Variants in ADCY8 observed in about 807,000 individuals in gnomAD.
The protein encoded by ADCY8 is adenylate cyclase 8.
ADCY8 carries 51 observed loss-of-function variants against 119.7 expected under a neutral mutation model. The ratio of observed to expected loss-of-function variants is 0.43; its 90% CI spans 0.34 to 0.54. ADCY8 has a LOEUF of 0.54. ADCY8 is among the 20% of genes least tolerant of loss of function. ADCY8 has a pLI of 0.03. For synonymous variants in ADCY8, 665 were observed against 651.0 expected (o/e 1.02, Z -0.33); for missense variants, 1,383 against 1,598.8 (o/e 0.87, Z 2.30).
chr8:130,846,526 C>CCGTCCCTT (rs1817301234), intron 11 of ADCY8, among the ~76,000 whole-genome samples: 1 of 132,784 alleles, frequency 7.5e-6, no homozygotes, highest in African/African-American at 3.0e-5. Context: ...CTCCCTCCCT[C>CCGTCCCTT]CCTCCCTTCC....
chr8:130,937,079 G>A lies in ADCY8; in HGVS notation c.1475C>T (p.Thr492Ile). 2 of 1,611,516 alleles carry A rather than the reference G, an allele frequency of 1.2e-6. No homozygotes were observed. The highest frequency in any genetic ancestry group is 1.7e-6 in the Non-Finnish European group (2 of 1,178,610). The change falls in exon 5 of 18, where the codon ACC becomes ATC. Residue 492 changes from threonine to isoleucine, a missense_variant. Thr to Ile is a moderately conservative substitution (Grantham distance 89). Around this residue, in one of 2 missense-constraint regions of ADCY8, gnomAD observed 928 missense variants for 1,163.5 expected, o/e 0.80. Transcript: ENST00000286355. The part of the protein sequence containing the change: ...CVEMGLSMIK[T>I]IRYVRSRTKH... Reference sequence around the variant, plus strand: ...GATGGGGATCACAAATTACCTGATGGTTTTGATCATGCTGAGACCCATTTC... The same window carrying A: ...GATGGGGATCACAAATTACCTGATGATTTTGATCATGCTGAGACCCATTTC...
intron 4 of ADCY8, among the ~76,000 whole-genome samples, chr8:130,940,121 T>C (rs1192215290): frequency 6.6e-6 from 1 of 152,226 alleles, no homozygotes; most frequent in African/African-American, 2.4e-5. Context: ...CCTATCTCAG[T>C]CTTCAGGACC....
chr8:130,814,211 C>T lies in ADCY8; in HGVS notation c.2771G>A (p.Arg924His), dbSNP rs371693062. ...YHGQQLEYTA[R>H]LDFLWRVQAK... is the part of the protein sequence containing the mutation. Reference sequence around the variant, plus strand: ...CTGTACTCGCCAAAGGAAGTCCAGGCGGGCTGTGTACTCCAGCTGCAGTAC... The same window carrying T: ...CTGTACTCGCCAAAGGAAGTCCAGGTGGGCTGTGTACTCCAGCTGCAGTAC... The change falls in exon 14 of 18, where the codon CGC becomes CAC. Residue 924 changes from arginine to histidine, a missense_variant. Arg to His is a conservative substitution (Grantham distance 29). Transcript: ENST00000286355. 23 of 1,613,838 alleles carry T rather than the reference C, an allele frequency of 1.4e-5. No individual in the cohort carries two copies. The highest frequency in any genetic ancestry group is 1.7e-4 in the Middle Eastern group (1 of 6,056).
At chr8:130,949,440 T>C (rs774772376) in intron 3 of ADCY8, 4 of 152,190 alleles carry the variant, frequency 2.6e-5, no homozygotes, top group Non-Finnish European at 5.9e-5. Flanking sequence ...AGTATGTAAT[T>C]AAATATTTAT....
intron 2 of ADCY8, among the ~76,000 whole-genome samples, chr8:130,953,499 C>T (rs575051948): frequency 2.6e-5 from 4 of 152,056 alleles, no homozygotes; most frequent in Admixed American, 6.6e-5. Flanking sequence ...GTTAATCAAG[C>T]GGCAGTTGCA....
chr8:130,964,094 C>T (rs1407406384), intron 2 of ADCY8, among the ~76,000 whole-genome samples: 6 of 152,304 alleles, frequency 3.9e-5, no homozygotes, highest in African/African-American at 7.2e-5. Flanking sequence ...CCCAAGTCCT[C>T]GTACGTCATG....
intron 2 of ADCY8, among the ~76,000 whole-genome samples, chr8:130,982,806 TAA>T (rs1228980098): frequency 6.6e-6 from 1 of 152,270 alleles, no homozygotes; most frequent in African/African-American, 2.4e-5. Context: ...AATTAGTTTG[TAA>T]AAAGTCATTA....
chr8:130,797,201 A>G (rs1338240108), intron 15 of ADCY8, among the ~76,000 whole-genome samples: 2 of 152,130 alleles, frequency 1.3e-5, no homozygotes, highest in East Asian at 3.9e-4. Context: ...ACAAATTTGT[A>G]AACTGTCTTA....
chr8:130,838,500 CAG>C (rs1278667516), intron 11 of ADCY8, among the ~76,000 whole-genome samples: 12 of 142,582 alleles, frequency 8.4e-5, no homozygotes, highest in Admixed American at 3.5e-4. Flanking sequence ...TTTTCTGCTC[CAG>C]AGAAACTCTA....
intron 1 of ADCY8, among the ~76,000 whole-genome samples, chr8:131,008,521 C>A (rs1336008007): frequency 2.0e-5 from 3 of 152,140 alleles, no homozygotes; most frequent in African/African-American, 7.2e-5. Flanking sequence ...GCCTCTCCAG[C>A]CAGCCATGTG....
intron 15 of ADCY8, among the ~76,000 whole-genome samples, chr8:130,793,523 A>G (rs1815487821): frequency 6.6e-6 from 1 of 152,200 alleles, no homozygotes; most frequent in South Asian, 2.1e-4. Flanking sequence ...ATAGAGTATA[A>G]GCTTCATGAG....
At chr8:130,916,646 A>G (rs1474517059) in intron 5 of ADCY8, among the ~76,000 whole-genome samples, 4 of 152,218 alleles carry the variant, frequency 2.6e-5, no homozygotes, top group African/African-American at 9.6e-5. Context: ...GGCAAGGAAC[A>G]CCTGGCCCAC....
At chr8:131,019,829 C>CTG (rs1289016465) in intron 1 of ADCY8, among the ~76,000 whole-genome samples, 428 of 119,106 alleles carry the variant, frequency 3.6e-3, no homozygotes, top group Admixed American at 7.0e-3. Context: ...CTCTCTCTCT[C>CTG]TCTCTCTCTG....
At chr8:130,952,106 T>A in intron 2 of ADCY8, 108 bp from the exon 3 acceptor site, 1 of 1,291,936 alleles carries the variant, frequency 7.7e-7, no homozygotes. Flanking sequence ...CCCTTTGGGA[T>A]TGCTAATTTC....
At chr8:131,011,042 C>G (rs1354948804) in intron 1 of ADCY8, among the ~76,000 whole-genome samples, 3 of 151,952 alleles carry the variant, frequency 2.0e-5, no homozygotes, top group African/African-American at 7.3e-5. Flanking sequence ...ACACATGAAA[C>G]AGATGTAGAA....
At chr8:131,012,974 C>T (rs1349972813) in intron 1 of ADCY8, among the ~76,000 whole-genome samples, 1 of 152,194 alleles carries the variant, frequency 6.6e-6, no homozygotes, top group Non-Finnish European at 1.5e-5. Context: ...ATGTGCATTA[C>T]CCTCACTAAT....
At chr8:130,843,740 G>A (rs1817216110) in intron 11 of ADCY8, among the ~76,000 whole-genome samples, 1 of 152,174 alleles carries the variant, frequency 6.6e-6, no homozygotes, top group Admixed American at 6.5e-5. Context: ...GCCTTGTCCT[G>A]TGCTGGGCCC....
intron 2 of ADCY8, among the ~76,000 whole-genome samples, chr8:130,955,783 A>T (rs1444900952): frequency 6.6e-6 from 1 of 152,204 alleles, no homozygotes; most frequent in East Asian, 1.9e-4. Flanking sequence ...TGGACTCTGC[A>T]TCAGATTTTC....
At chr8:130,906,295 T>C (rs2130539237) in intron 6 of ADCY8, among the ~76,000 whole-genome samples, 1 of 152,336 alleles carries the variant, frequency 6.6e-6, no homozygotes, top group South Asian at 2.1e-4. Flanking sequence ...AAGCTTACCT[T>C]TTCTCCTAGA....
Sources: gnomAD v4.1 joint callset for allele counts (sites outside exome capture counted in the v4.1 genomes callset) on GRCh38, gnomAD v4.1.1 for gene constraint, gnomAD v4.1.1 regional missense constraint, MANE v1.5 for transcripts, NCBI Gene and HGNC (gene_info 2026-07-23, HGNC 2026-07-21) for gene names.